The following ERP44 variants were observed in gnomAD, a reference collection of about 807,000 sequenced individuals.
ERP44 encodes endoplasmic reticulum protein 44.
Under a neutral mutation model 53.4 loss-of-function variants are expected in ERP44, and 25 were observed. That is an observed-to-expected ratio of 0.47 (90% CI 0.34 to 0.65). ERP44 has a LOEUF of 0.65. ERP44 is among the 30% of genes least tolerant of loss of function. The pLI, the probability that ERP44 is intolerant of heterozygous loss-of-function variation, is 0.01. For synonymous variants in ERP44, 145 were observed against 161.2 expected, an observed-to-expected ratio of 0.90 and a Z score of 0.76; for missense variants, 338 against 493.2, an observed-to-expected ratio of 0.69 and a Z score of 2.98.
chr9:100,020,855 A>G, intron 5 of ERP44, 124 bp from the exon 6 acceptor site: 1 of 563,624 alleles, frequency 1.8e-6, no homozygotes, highest in South Asian at 2.6e-5. Flanking sequence ...TATGACTATA[A>G]ATGCATATTT....
At chr9:100,088,507 C>T (rs1186547156) in intron 1 of ERP44, among the ~76,000 whole-genome samples, 2 of 152,220 alleles carry the variant, frequency 1.3e-5, no homozygotes, top group Non-Finnish European at 2.9e-5. Context: ...ACTCCTGATC[C>T]TTCTCACGTA....
chr9:100,026,492 A>C (rs1236601668), intron 4 of ERP44, among the ~76,000 whole-genome samples: 2 of 152,228 alleles, frequency 1.3e-5, no homozygotes, highest in African/African-American at 4.8e-5. Context: ...CAAAAAGATA[A>C]GTGAGTTAAA....
rs527661837 is a variant in ERP44 at position 100,045,269 on chromosome 9, G to A, written c.286+7148C>T. 6.6e-5 allele frequency among the ~76,000 whole-genome samples: 10 copies of A among 151,822 alleles called. No individual in the cohort carries two copies. The South Asian group carries it at 1.0e-3, about 16-fold the overall frequency. ...CTTCACTTTTTTTAATCATTTCCTC[G>A]AAAACGTCTTCCCTATCCCTGCAGA... On this transcript the variant is annotated intron_variant, in intron 4 of 11. Transcript: ENST00000262455.
chr9:100,007,526 AAAAAG>A (rs1191453500), intron 9 of ERP44, 47 bp downstream of exon 9: 1 of 960,070 alleles, frequency 1.0e-6, no homozygotes, highest in Non-Finnish European at 1.7e-6. Context: ...TGAAAGGGAA[AAAAAG>A]AAAAGAGAGA....
At chr9:100,057,253 A>G (rs764640588) in intron 3 of ERP44, among the ~76,000 whole-genome samples, 6 of 152,188 alleles carry the variant, frequency 3.9e-5, no homozygotes, top group Non-Finnish European at 7.3e-5. Context: ...TCCATGCCAT[A>G]TTCTGTAACA....
At chr9:100,011,129 C>G (rs1830472480) in intron 8 of ERP44, among the ~76,000 whole-genome samples, 1 of 152,056 alleles carries the variant, frequency 6.6e-6, no homozygotes, top group South Asian at 2.1e-4. Context: ...TTGTACTTAA[C>G]TATTCTATTA....
At chr9:100,047,174 GA>G (rs1825980815) in intron 4 of ERP44, among the ~76,000 whole-genome samples, 1 of 152,126 alleles carries the variant, frequency 6.6e-6, no homozygotes, top group Non-Finnish European at 1.5e-5. Flanking sequence ...AAATCTTTGT[GA>G]TCCTGTGTGA....
At chr9:100,082,455 A>G (rs779398754) in intron 1 of ERP44, among the ~76,000 whole-genome samples, 2 of 151,806 alleles carry the variant, frequency 1.3e-5, no homozygotes, top group African/African-American at 2.4e-5. Flanking sequence ...CCAAATAAAG[A>G]CATGCTATAC....
At chr9:100,028,718 T>C (rs942657334) in intron 4 of ERP44, among the ~76,000 whole-genome samples, 30 of 152,226 alleles carry the variant, frequency 2.0e-4, no homozygotes, top group African/African-American at 7.0e-4. Flanking sequence ...GCATCAATAC[T>C]TGCAGAATGG....
chr9:100,020,849 A>G, intron 5 of ERP44, 118 bp from the exon 6 acceptor site: 1 of 578,644 alleles, frequency 1.7e-6, no homozygotes, highest in South Asian at 2.4e-5. Context: ...ATGAAGTATG[A>G]CTATAAATGC....
chr9:100,024,941 C>T (rs894655763), intron 4 of ERP44, among the ~76,000 whole-genome samples: 2 of 152,208 alleles, frequency 1.3e-5, no homozygotes, highest in South Asian at 4.1e-4. Flanking sequence ...TCAAAACTGA[C>T]ACTAGAAGAA....
intron 1 of ERP44, among the ~76,000 whole-genome samples, chr9:100,094,029 T>G (rs1157779696): frequency 6.6e-6 from 1 of 152,206 alleles, no homozygotes; most frequent in Non-Finnish European, 1.5e-5. Context: ...CAACTGCAAG[T>G]ACAGAAATCT....
At chr9:99,994,224 T>A (rs1465757604) in intron 10 of ERP44, among the ~76,000 whole-genome samples, 1 of 152,170 alleles carries the variant, frequency 6.6e-6, no homozygotes, top group Non-Finnish European at 1.5e-5. Context: ...GCGGCACTAT[T>A]CACAATAGCA....
At chr9:99,986,314 G>T (rs1830195242) in intron 10 of ERP44, among the ~76,000 whole-genome samples, 1 of 152,012 alleles carries the variant, frequency 6.6e-6, no homozygotes, top group Admixed American at 6.5e-5. Context: ...AAAGATACCT[G>T]CATTTTAATT....
intron 1 of ERP44, among the ~76,000 whole-genome samples, chr9:100,070,107 C>T (rs1826283628): frequency 6.6e-6 from 1 of 152,170 alleles, no homozygotes; most frequent in Non-Finnish European, 1.5e-5. Flanking sequence ...ACTAACAAAG[C>T]ATGGGAATTG....
At chr9:100,025,394 C>T (rs1830641111) in intron 4 of ERP44, among the ~76,000 whole-genome samples, 1 of 152,110 alleles carries the variant, frequency 6.6e-6, no homozygotes, top group African/African-American at 2.4e-5. Flanking sequence ...TATTAACAAA[C>T]TTAGCACTAC....
At chr9:100,017,822 C>G (rs1397741244) in intron 7 of ERP44, among the ~76,000 whole-genome samples, 1 of 152,160 alleles carries the variant, frequency 6.6e-6, no homozygotes, top group Non-Finnish European at 1.5e-5. Flanking sequence ...TAAAAACAAC[C>G]TAGCTGCTCC....
At chr9:99,984,751 A>G (rs1189471292) in intron 11 of ERP44, among the ~76,000 whole-genome samples, 4 of 152,224 alleles carry the variant, frequency 2.6e-5, no homozygotes, top group African/African-American at 7.2e-5. Flanking sequence ...GAACACTTTT[A>G]TACAATCAAG....
chr9:100,094,719 A>G lies in ERP44; in HGVS notation c.57+4065T>C, dbSNP rs577102965. The stretch of plus-strand genomic sequence containing the variant: ...CACAGTGGCTCATTCCTATAATCCT[A>G]ACACTTTGGAAGGCAGGCAGATCAG... On this transcript the variant is annotated intron_variant, in intron 1 of 11. Coordinates refer to ENST00000262455, the MANE Select transcript of ERP44 (RefSeq NM_015051.3). 2.6e-5 allele frequency among the ~76,000 whole-genome samples: 4 copies of G among 152,176 alleles called. No homozygotes were observed. In the East Asian group the frequency reaches 7.7e-4, roughly 29 times the overall value.
Sources: gnomAD v4.1 joint callset for allele counts (sites outside exome capture counted in the v4.1 genomes callset) on GRCh38, gnomAD v4.1.1 for gene constraint, MANE v1.5 for transcripts, NCBI Gene and HGNC (gene_info 2026-07-23, HGNC 2026-07-21) for gene names.